LHFPL3: variants seen among roughly 807,000 people sequenced by gnomAD.
The protein encoded by LHFPL3 is LHFPL tetraspan subfamily member 3 protein.
Under a neutral mutation model 19.3 loss-of-function variants are expected in LHFPL3, and 5 were observed. The ratio of observed to expected loss-of-function variants is 0.26; its 90% CI spans 0.14 to 0.54. The LOEUF (loss-of-function observed/expected upper bound fraction) is 0.54. LHFPL3 is among the 20% of genes least tolerant of loss of function. The pLI is 0.94. For synonymous variants in LHFPL3, 133 were observed against 126.2 expected (o/e 1.05, Z -0.36); for missense variants, 249 against 307.4 (o/e 0.81, Z 1.42).
At chr7:104,464,827 T>C (rs1486932586) in intron 1 of LHFPL3, among the ~76,000 whole-genome samples, 1 of 151,988 alleles carries the variant, frequency 6.6e-6, no homozygotes, top group Non-Finnish European at 1.5e-5. Context: ...ATCTCTGACT[T>C]GCCCTGGAGA....
chr7:104,342,515 A>T (rs1270016543), intron 1 of LHFPL3, among the ~76,000 whole-genome samples: 1 of 152,102 alleles, frequency 6.6e-6, no homozygotes, highest in Non-Finnish European at 1.5e-5. Flanking sequence ...AACAAAAGAA[A>T]AGGAAAGGAA....
intron 1 of LHFPL3, among the ~76,000 whole-genome samples, chr7:104,497,170 C>CA (rs67997138): frequency 1.4e-4 from 20 of 143,310 alleles, no homozygotes; most frequent in Admixed American, 3.5e-4. Flanking sequence ...ACTGACAAAA[C>CA]AAAAAAAAAA....
intron 1 of LHFPL3, among the ~76,000 whole-genome samples, chr7:104,448,010 T>G (rs1450607723): frequency 6.6e-6 from 1 of 152,166 alleles, no homozygotes; most frequent in Non-Finnish European, 1.5e-5. Context: ...AAGAAATTCA[T>G]CTTCTGCTGT....
intron 1 of LHFPL3, among the ~76,000 whole-genome samples, chr7:104,529,509 A>C (rs1794254019): frequency 6.6e-6 from 1 of 152,144 alleles, no homozygotes; most frequent in African/African-American, 2.4e-5. Flanking sequence ...CTCCTGCCTG[A>C]TCTAAGCTGA....
chr7:104,423,616 A>T (rs146828713), intron 1 of LHFPL3, among the ~76,000 whole-genome samples: 1 of 152,212 alleles, frequency 6.6e-6, no homozygotes, highest in Non-Finnish European at 1.5e-5. Context: ...AGCCGTGATC[A>T]TGCCACTGCA....
chr7:104,563,056 C>T (rs1032415230), intron 1 of LHFPL3, among the ~76,000 whole-genome samples: 3 of 152,106 alleles, frequency 2.0e-5, no homozygotes, highest in South Asian at 4.2e-4. Flanking sequence ...TCTCCAGCTG[C>T]GTGCTGGGAG....
At chr7:104,888,262 G>T (rs1283674177) in intron 2 of LHFPL3, among the ~76,000 whole-genome samples, 2 of 152,184 alleles carry the variant, frequency 1.3e-5, no homozygotes, top group Non-Finnish European at 2.9e-5. Context: ...AGGCATGGTG[G>T]CTCACACTTG....
chr7:104,630,330 G>A (rs1791617413), intron 1 of LHFPL3, among the ~76,000 whole-genome samples: 1 of 152,156 alleles, frequency 6.6e-6, no homozygotes, highest in Admixed American at 6.5e-5. Context: ...AAGGAGTTAG[G>A]ACTGGTTTAC....
chr7:104,640,829 G>A (rs1237801560), intron 1 of LHFPL3, among the ~76,000 whole-genome samples: 2 of 152,148 alleles, frequency 1.3e-5, no homozygotes, highest in Non-Finnish European at 2.9e-5. Context: ...CCCTAAATAA[G>A]GAAAATGTGA....
intron 2 of LHFPL3, among the ~76,000 whole-genome samples, chr7:104,806,602 TA>T (rs1790365625): frequency 6.6e-6 from 1 of 152,218 alleles, no homozygotes; most frequent in Non-Finnish European, 1.5e-5. Flanking sequence ...GAATGTCCAT[TA>T]TGTTCTTTGA....
At chr7:104,657,166 C>T (rs1434148066) in intron 1 of LHFPL3, among the ~76,000 whole-genome samples, 2 of 152,246 alleles carry the variant, frequency 1.3e-5, no homozygotes, top group African/African-American at 2.4e-5. Context: ...AATTCCTCTC[C>T]AAGTGGTTCT....
At chr7:104,480,190 A>G (rs770521637) in intron 1 of LHFPL3, among the ~76,000 whole-genome samples, 6 of 152,180 alleles carry the variant, frequency 3.9e-5, no homozygotes, top group Non-Finnish European at 7.3e-5. Context: ...TAATCACTTA[A>G]CTTCTCTGAG....
chr7:104,781,588 T>C (rs947198570), intron 2 of LHFPL3, among the ~76,000 whole-genome samples: 1 of 152,114 alleles, frequency 6.6e-6, no homozygotes, highest in Non-Finnish European at 1.5e-5. Flanking sequence ...AAACCTTTTC[T>C]CAACCTGCAT....
intron 1 of LHFPL3, among the ~76,000 whole-genome samples, chr7:104,684,174 C>G (rs557219646): frequency 6.6e-6 from 1 of 152,190 alleles, no homozygotes; most frequent in Non-Finnish European, 1.5e-5. Context: ...TCCCTAAAGC[C>G]TCATCTCCTA....
intron 2 of LHFPL3, among the ~76,000 whole-genome samples, chr7:104,828,961 G>T (rs1317307346): frequency 6.6e-6 from 1 of 151,790 alleles, no homozygotes; most frequent in Non-Finnish European, 1.5e-5. Context: ...CTTGGGCCCA[G>T]GAGGCAAAGG....
At chr7:104,649,390 C>T (rs1305960963) in intron 1 of LHFPL3, among the ~76,000 whole-genome samples, 5 of 152,176 alleles carry the variant, frequency 3.3e-5, no homozygotes, top group Admixed American at 3.3e-4. Flanking sequence ...GCATGAACCT[C>T]TTACCACACA....
chr7:104,820,579 CA>C (rs1790656611), intron 2 of LHFPL3, among the ~76,000 whole-genome samples: 1 of 152,120 alleles, frequency 6.6e-6, no homozygotes, highest in Non-Finnish European at 1.5e-5. Context: ...CAACTTTCTA[CA>C]GTTTATGAGC....
chr7:104,659,483 G>C (rs1792182696), intron 1 of LHFPL3, among the ~76,000 whole-genome samples: 1 of 152,172 alleles, frequency 6.6e-6, no homozygotes, highest in Non-Finnish European at 1.5e-5. Context: ...TGAACTTTTA[G>C]ACACCTTTCA....
At chr7:104,584,269 G>A (rs1001183267) in intron 1 of LHFPL3, among the ~76,000 whole-genome samples, 4 of 152,042 alleles carry the variant, frequency 2.6e-5, no homozygotes, top group South Asian at 2.1e-4. Context: ...GAGAACACAC[G>A]GACACAGGAA....
Sources: gnomAD v4.1 joint callset for allele counts (sites outside exome capture counted in the v4.1 genomes callset) on GRCh38, gnomAD v4.1.1 for gene constraint, MANE v1.5 for transcripts, NCBI Gene and HGNC (gene_info 2026-07-23, HGNC 2026-07-21) for gene names.